The following SOX5 variants were observed in gnomAD, a reference collection of about 807,000 sequenced individuals.
SOX5 encodes the protein SRY-box transcription factor 5, also known as transcription factor SOX-5.
In SOX5, 9 loss-of-function variants were observed where a neutral mutation model predicts 92.0. That is an observed-to-expected ratio of 0.10 (90% CI 0.06 to 0.17). The LOEUF (loss-of-function observed/expected upper bound fraction) is 0.17. Ranked by LOEUF, SOX5 falls within the 10% of genes least tolerant of loss-of-function variation. The probability of loss-of-function intolerance (pLI) is 1.00; values close to 1 mark genes in which losing one functional copy is unlikely to be tolerated. For synonymous variants in SOX5, 344 were observed against 336.3 expected, an observed-to-expected ratio of 1.02 and a Z score of -0.25; for missense variants, 642 against 944.5, an observed-to-expected ratio of 0.68 and a Z score of 4.20.
At chr12:23,966,593 G>A (rs1056510338) in intron 4 of SOX5, among the ~76,000 whole-genome samples, 7 of 151,924 alleles carry the variant, frequency 4.6e-5, no homozygotes, top group African/African-American at 1.7e-4. Flanking sequence ...TATTGATTTA[G>A]ATTAAAAAAA....
intron 2 of SOX5, among the ~76,000 whole-genome samples, chr12:24,365,010 G>A (rs1439133954): frequency 1.3e-5 from 2 of 151,924 alleles, no homozygotes; most frequent in Non-Finnish European, 2.9e-5. Context: ...GGCATTAATT[G>A]GTAGGGGAAA....
intron 2 of SOX5, among the ~76,000 whole-genome samples, chr12:23,879,307 G>C (rs1480554259): frequency 6.7e-6 from 1 of 148,286 alleles, no homozygotes; most frequent in Non-Finnish European, 1.5e-5. Flanking sequence ...AATTAAAAGA[G>C]TTGCTAATGT....
chr12:24,129,774 C>T (rs1047142830), intron 4 of SOX5, among the ~76,000 whole-genome samples: 3 of 152,086 alleles, frequency 2.0e-5, no homozygotes, highest in Admixed American at 6.5e-5. Context: ...AAGGGAGACA[C>T]ATTTAATAAA....
intron 4 of SOX5, among the ~76,000 whole-genome samples, chr12:23,997,832 T>C (rs1951183919): frequency 6.6e-6 from 1 of 152,152 alleles, no homozygotes; most frequent in Non-Finnish European, 1.5e-5. Flanking sequence ...AAAATTTTTC[T>C]ATAAAAAGAA....
chr12:23,786,277 G>T (rs1364136407), intron 3 of SOX5, among the ~76,000 whole-genome samples: 1 of 151,874 alleles, frequency 6.6e-6, no homozygotes, highest in African/African-American at 2.4e-5. Context: ...TATATTCTTG[G>T]TAATAGATTT....
chr12:24,040,446 A>G (rs1041071333), intron 4 of SOX5, among the ~76,000 whole-genome samples: 1 of 152,246 alleles, frequency 6.6e-6, no homozygotes. Flanking sequence ...TTATATTGTC[A>G]TAAGACAAAA....
At chr12:23,696,077 G>A (rs556640307) in intron 6 of SOX5, among the ~76,000 whole-genome samples, 2 of 149,456 alleles carry the variant, frequency 1.3e-5, no homozygotes, top group Admixed American at 6.7e-5. Flanking sequence ...AAAAAATTTT[G>A]CACCTATCTT....
chr12:23,973,064 A>C (rs10743488), intron 4 of SOX5, among the ~76,000 whole-genome samples: 118,062 of 152,002 alleles, frequency 0.78, 46,078 homozygotes, highest in East Asian at 0.95. Context: ...TGAGATAATA[A>C]AGTATTTTTC....
chr12:23,660,903 C>T (rs2082951868), intron 7 of SOX5, among the ~76,000 whole-genome samples: 4 of 152,036 alleles, frequency 2.6e-5, no homozygotes, highest in Admixed American at 2.0e-4. Flanking sequence ...CCAATAGATG[C>T]CTCTGTATTT....
chr12:24,287,055 A>G (rs1025665695), intron 2 of SOX5, among the ~76,000 whole-genome samples: 1 of 152,148 alleles, frequency 6.6e-6, no homozygotes, highest in African/African-American at 2.4e-5. Context: ...CCCATCCTAA[A>G]CTGAGACTAA....
Position 24,095,128 on chromosome 12 carries a change from CAG to C in SOX5, c.-2+118213_-2+118214del, listed in dbSNP as rs764681203. Among the ~76,000 whole-genome samples the C allele has an allele frequency of 5.6e-3, 506 of 90,204 alleles. 1 individual carries two copies. The highest frequency in any genetic ancestry group is 8.3e-3 in the African/African-American group (186 of 22,452). The allele number at this position is 90,204 out of a possible 152,430, so 59.2% of individuals were successfully genotyped here. A position where few individuals can be genotyped will look rare whatever the true frequency, so the allele number is the denominator to read the frequency against. The stretch of plus-strand genomic sequence containing the variant: ...ACACACACACACACACACACACACA[CAG>C]AGAGAGAGAGAGAGAGAGAGAGAGA... On this transcript the variant is annotated intron_variant, in intron 4 of 4. Transcript: ENST00000446891.
At chr12:24,273,267 G>T (rs939209047) in intron 3 of SOX5, among the ~76,000 whole-genome samples, 1 of 152,096 alleles carries the variant, frequency 6.6e-6, no homozygotes, top group Non-Finnish European at 1.5e-5. Flanking sequence ...TCAAAAAAAA[G>T]ATTAGACTTA....
chr12:23,979,648 C>CCTCACAAA (rs1009905693), intron 4 of SOX5, among the ~76,000 whole-genome samples: 2 of 144,438 alleles, frequency 1.4e-5, no homozygotes, highest in Non-Finnish European at 3.0e-5. Context: ...AGCATGAGAA[C>CCTCACAAA]CTCACAAATC....
intron 1 of SOX5, among the ~76,000 whole-genome samples, chr12:24,502,162 T>G (rs1003496869): frequency 6.6e-6 from 1 of 152,214 alleles, no homozygotes; most frequent in African/African-American, 2.4e-5. Context: ...AATGAATGCA[T>G]GGGGCAAGAC....
intron 1 of SOX5, among the ~76,000 whole-genome samples, chr12:24,421,615 T>C (rs2136936964): frequency 6.6e-6 from 1 of 152,326 alleles, no homozygotes; most frequent in Admixed American, 6.5e-5. Context: ...CTGTTTTACC[T>C]AGTGGTAAAA....
At chr12:23,812,471 T>A (rs183307468) in intron 3 of SOX5, among the ~76,000 whole-genome samples, 2 of 149,932 alleles carry the variant, frequency 1.3e-5, no homozygotes, top group East Asian at 3.9e-4. Context: ...AGATGGGGAT[T>A]TTTTTTTTTC....
chr12:24,352,257 C>T (rs565976908), intron 2 of SOX5, among the ~76,000 whole-genome samples: 1 of 152,250 alleles, frequency 6.6e-6, no homozygotes, highest in South Asian at 2.1e-4. Context: ...TTAATTTTTC[C>T]ACCCAGTGAT....
chr12:23,689,656 G>A (rs1040071859), intron 6 of SOX5, among the ~76,000 whole-genome samples: 3 of 151,988 alleles, frequency 2.0e-5, no homozygotes, highest in Admixed American at 2.0e-4. Context: ...AAAAATACAT[G>A]CCATATACAT....
At position 24,070,256 on chromosome 12, in the gene SOX5, C is replaced by T. The variant is rs116253859; in HGVS notation, c.-2+143087G>A. On this transcript the variant is annotated intron_variant, in intron 4 of 4. Coordinates refer to the SOX5 transcript ENST00000446891. ...TCCATTTCCACCCCTTCCTACAGAC[C>T]CAATTCTAAATAAAGCTTGATTGGA... Among the ~76,000 whole-genome samples, 881 of 152,230 alleles carry T rather than the reference C, an allele frequency of 5.8e-3. 8 individuals are homozygous for T. Among genetic ancestry groups the T allele is most frequent in the African/African-American group, 0.02 (824 of 41,504 alleles).
Sources: gnomAD v4.1 joint callset for allele counts (sites outside exome capture counted in the v4.1 genomes callset) on GRCh38, gnomAD v4.1.1 for gene constraint, MANE v1.5 for transcripts, NCBI Gene and HGNC (gene_info 2026-07-23, HGNC 2026-07-21) for gene names.